The following CLOCK variants were observed in gnomAD, a reference collection of about 807,000 sequenced individuals.
CLOCK encodes clock circadian regulator, also known as circadian locomoter output cycles protein kaput.
A neutral mutation model predicts 118.4 loss-of-function variants in CLOCK; 43 were observed. The ratio of observed to expected loss-of-function variants is 0.36; its 90% CI spans 0.28 to 0.47. CLOCK has a LOEUF of 0.47. Among genes scored for constraint, CLOCK ranks in the 20% least tolerant of loss-of-function variants. The pLI, the probability that CLOCK is intolerant of heterozygous loss-of-function variation, is 1.00. For synonymous variants in CLOCK, 326 were observed against 339.2 expected, an observed-to-expected ratio of 0.96 and a Z score of 0.43; for missense variants, 846 against 999.9, an observed-to-expected ratio of 0.85 and a Z score of 2.08.
At position 55,442,623 on chromosome 4, in the gene CLOCK, A is replaced by G; in HGVS notation, c.1914T>C (p.Asn638=). Residue 638 remains asparagine, a synonymous_variant, in exon 21 of 23, where the codon AAT becomes AAC. Coordinates refer to ENST00000513440, the MANE Select transcript of CLOCK (RefSeq NM_004898.4). ...LQSTSTQSQQ[N]VLSGHSQQTS... ...TTTGCTGACTGTGCCCACTCAGTAC[A>G]TTTTGTTGACTCTGTTAAAAATAAA... The G allele has an allele frequency of 6.2e-7, 1 of 1,613,216 alleles. No individual in the cohort carries two copies. Among genetic ancestry groups the G allele is most frequent in the Non-Finnish European group, 8.5e-7 (1 of 1,179,782 alleles).
At chr4:55,517,934 G>A (rs1050740894) in intron 1 of CLOCK, among the ~76,000 whole-genome samples, 2 of 152,014 alleles carry the variant, frequency 1.3e-5, no homozygotes, top group African/African-American at 4.8e-5. Context: ...GAAATATAGG[G>A]GTTATAACCA....
intron 11 of CLOCK, among the ~76,000 whole-genome samples, 196 bp from the exon 12 acceptor site, chr4:55,456,496 T>C (rs1490530048): frequency 6.6e-6 from 1 of 152,090 alleles, no homozygotes; most frequent in Non-Finnish European, 1.5e-5. Flanking sequence ...ACCCGATTTC[T>C]ACTAAAAATA....
In CLOCK at chr4:55,433,513, G is replaced by C. The variant is rs1722658981; in HGVS notation, c.*1902C>G. On this transcript the variant is annotated 3_prime_UTR_variant, in exon 23 of 23. Transcript: ENST00000513440. ...AGCATTCCCCTGACCTCTTTACCTA[G>C]CAATTCTGCATTAGGTTAATCTTCA... 1 of 152,170 alleles carries C rather than the reference G, an allele frequency of 6.6e-6. No homozygotes were observed. The highest frequency in any genetic ancestry group is 1.5e-5 in the Non-Finnish European group (1 of 68,024). The allele number at this position is 152,170 out of a possible 1,614,324, so 9.4% of individuals were successfully genotyped here. A position where few individuals can be genotyped will look rare whatever the true frequency, so the allele number is the denominator to read the frequency against.
rs963741095 is a variant in CLOCK at position 55,430,530 on chromosome 4, G to GT, written c.*4884dup. ...ACTGTGCCAACAAAATTCATCCCCA[G>GT]TGTTTCCACAGGAGACATTAAAATT... On this transcript the variant is annotated 3_prime_UTR_variant, in exon 23 of 23. Transcript: ENST00000513440. 2.5e-4 allele frequency: 38 copies of GT among 152,264 alleles called. No individual in the cohort carries two copies. Among genetic ancestry groups the GT allele is most frequent in the African/African-American group, 8.7e-4 (36 of 41,560 alleles). The allele number at this position is 152,264 out of a possible 1,614,324, so 9.4% of individuals were successfully genotyped here.
At position 55,448,903 on chromosome 4, in the gene CLOCK, C is replaced by T; in HGVS notation, c.1450-35G>A. The T allele has an allele frequency of 2.7e-6, 4 of 1,476,834 alleles. 1 individual carries two copies. The South Asian group carries it at 4.5e-5, about 17-fold the overall frequency. 91.5% of individuals were successfully genotyped at this position (1,476,834 alleles called of 1,614,324 possible). On this transcript the variant is annotated intron_variant, in intron 17 of 22. Coordinates refer to ENST00000513440, the MANE Select transcript of CLOCK (RefSeq NM_004898.4). ...AATAAAAAATAACACTGAAGTGATT[C>T]TCATTCCCATACATGAGTACTTCCA...
intron 1 of CLOCK, among the ~76,000 whole-genome samples, chr4:55,524,124 G>A (rs768420862): frequency 6.6e-6 from 1 of 151,958 alleles, no homozygotes; most frequent in Non-Finnish European, 1.5e-5. Flanking sequence ...CATAGCAGCT[G>A]ATGTTTGTAA....
intron 6 of CLOCK, 56 bp from the exon 7 acceptor site, chr4:55,476,110 G>A: frequency 8.9e-7 from 1 of 1,117,862 alleles, no homozygotes; most frequent in East Asian, 2.4e-5. Context: ...GAGTACAAAA[G>A]CCCTACAAGT....
At position 55,446,062 on chromosome 4, in the gene CLOCK, C is replaced by T. The variant is rs188316726; in HGVS notation, c.1540-1277G>A. Among the ~76,000 whole-genome samples, 42 of 150,494 alleles carry T rather than the reference C, an allele frequency of 2.8e-4. No individual in the cohort carries two copies. In the East Asian group the frequency reaches 7.5e-3, roughly 27 times the overall value. ...ACCCTGGATTTACAAGACCTGAGCTCATATTGTGGCTACCACTTACTGGAA... is the reference window on the plus strand; with the variant it reads ...ACCCTGGATTTACAAGACCTGAGCTTATATTGTGGCTACCACTTACTGGAA... On this transcript the variant is annotated intron_variant, in intron 18 of 22. Transcript: ENST00000513440.
intron 1 of CLOCK, among the ~76,000 whole-genome samples, chr4:55,526,706 T>C (rs1195937737): frequency 6.6e-6 from 1 of 151,730 alleles, no homozygotes; most frequent in Non-Finnish European, 1.5e-5. Flanking sequence ...CCCAGCACTT[T>C]GGGAGGTCGA....
chr4:55,491,234 T>TAAAAA (rs34441416), intron 2 of CLOCK, among the ~76,000 whole-genome samples: 15 of 44,342 alleles, frequency 3.4e-4, no homozygotes, highest in African/African-American at 8.2e-4. Flanking sequence ...GCAGGTGTGC[T>TAAAAA]AAAAAAAAAA....
At chr4:55,493,073 C>T (rs779118476) in intron 2 of CLOCK, among the ~76,000 whole-genome samples, 6 of 152,006 alleles carry the variant, frequency 3.9e-5, no homozygotes, top group Non-Finnish European at 7.4e-5. Flanking sequence ...AGCTTAAGTG[C>T]TGCATTTTTT....
chr4:55,510,965 A>G (rs1034817668), intron 1 of CLOCK, among the ~76,000 whole-genome samples: 3 of 152,184 alleles, frequency 2.0e-5, no homozygotes, highest in African/African-American at 7.2e-5. Context: ...TTACCACTTG[A>G]CTGCAATATA....
At chr4:55,442,228 G>T in intron 21 of CLOCK, 1 of 568,170 alleles carries the variant, frequency 1.8e-6, no homozygotes, top group Non-Finnish European at 3.1e-6. Flanking sequence ...TTTTGGACAA[G>T]AAAAAAAATT....
intron 1 of CLOCK, among the ~76,000 whole-genome samples, chr4:55,542,365 TAA>T (rs1560489881): frequency 6.3e-4 from 42 of 66,542 alleles, no homozygotes; most frequent in African/African-American, 1.8e-3. Flanking sequence ...ATAATAATAA[TAA>T]TAATAATAAT....
intron 15 of CLOCK, chr4:55,452,615 C>A: frequency 5.5e-6 from 1 of 182,502 alleles, no homozygotes; most frequent in Non-Finnish European, 1.2e-5. Context: ...TACTTCTGAC[C>A]TGATATAACA....
intron 1 of CLOCK, among the ~76,000 whole-genome samples, chr4:55,535,906 T>G (rs1252911334): frequency 2.6e-5 from 4 of 152,182 alleles, no homozygotes; most frequent in Admixed American, 6.5e-5. Flanking sequence ...TATTTCCTAA[T>G]TATTGCTTGG....
At chr4:55,455,779 A>G in intron 13 of CLOCK, 118 bp downstream of exon 13, 2 of 781,004 alleles carry the variant, frequency 2.6e-6, no homozygotes, top group Non-Finnish European at 4.4e-6. Context: ...AAAATCTTTT[A>G]GCATATTTCA....
chr4:55,428,696 T>C lies in CLOCK; in HGVS notation c.*6719A>G, dbSNP rs1722336744. The C allele has an allele frequency of 6.6e-6, 1 of 152,084 alleles. No homozygotes were observed. The highest frequency in any genetic ancestry group is 2.1e-4 in the South Asian group (1 of 4,832). The allele number at this position is 152,084 out of a possible 1,614,324, so 9.4% of individuals were successfully genotyped here. A position where few individuals can be genotyped will look rare whatever the true frequency, so the allele number is the denominator to read the frequency against. ...GGACAGCAATGTCAAGAATATCACA[T>C]TGAGAACCACACAGAACATTATAAA... On this transcript the variant is annotated 3_prime_UTR_variant, in exon 23 of 23. Transcript: ENST00000513440.
At chr4:55,477,426 CG>C (rs1478028637) in intron 6 of CLOCK, among the ~76,000 whole-genome samples, 1 of 151,354 alleles carries the variant, frequency 6.6e-6, no homozygotes, top group African/African-American at 2.4e-5. Flanking sequence ...GACACATTTA[CG>C]AAAGAATCAA....
Sources: gnomAD v4.1 joint callset for allele counts (sites outside exome capture counted in the v4.1 genomes callset) on GRCh38, gnomAD v4.1.1 for gene constraint, MANE v1.5 for transcripts, NCBI Gene and HGNC (gene_info 2026-07-23, HGNC 2026-07-21) for gene names.